The following MRPL30 variants were observed in gnomAD, a reference collection of about 807,000 sequenced individuals.
MRPL30 encodes mitochondrial ribosomal protein L30.
In MRPL30, 10 loss-of-function variants were observed where a neutral mutation model predicts 17.2. The ratio of observed to expected loss-of-function variants is 0.58; its 90% CI spans 0.36 to 0.99. The LOEUF is 0.99. Among genes scored for constraint, MRPL30 ranks in the 50% least tolerant of loss-of-function variants. MRPL30 has a pLI of 0.01. For missense variants in MRPL30, 170 were observed against 189.8 expected (o/e 0.90, Z 0.61); for synonymous variants, 61 against 62.1 (o/e 0.98, Z 0.08).
rs2093956563 is a variant in MRPL30 at position 99,197,323 on chromosome 2, A to C, written c.*1618A>C. The C allele has an allele frequency of 6.6e-6, 1 of 152,184 alleles. No homozygotes were observed. Among genetic ancestry groups the C allele is most frequent in the African/African-American group, 2.4e-5 (1 of 41,442 alleles). 9.4% of individuals were successfully genotyped at this position (152,184 alleles called of 1,614,324 possible). On this transcript the variant is annotated 3_prime_UTR_variant, in exon 6 of 6. Coordinates refer to ENST00000338148, the MANE Select transcript of MRPL30 (RefSeq NM_145212.4). ...TGGCAACAATGACATTGTCATGCTT[A>C]TTGTCCCAATATCCATCCTGTCGTA...
chr2:99,191,004 ACTAT>A (rs1367805007), intron 3 of MRPL30, among the ~76,000 whole-genome samples: 6 of 151,336 alleles, frequency 4.0e-5, no homozygotes, highest in Non-Finnish European at 7.4e-5. Context: ...ATAGCCCCTG[ACTAT>A]CTTTTTTTTT....
chr2:99,198,274 T>A lies in MRPL30; in HGVS notation c.*2569T>A, dbSNP rs2105252200. On this transcript the variant is annotated 3_prime_UTR_variant, in exon 6 of 6. Transcript: ENST00000338148. ...GCGTGGCTTAGCTGGGTAGTCTGTT[T>A]AGGATCTCAGTGCTGGAAAAACGTG... is the stretch of plus-strand genomic sequence containing the variant. Among the ~76,000 whole-genome samples, 1 of 152,320 alleles carries A rather than the reference T, an allele frequency of 6.6e-6. No individual in the cohort carries two copies. The highest frequency in any genetic ancestry group is 1.9e-4 in the East Asian group (1 of 5,180).
intron 3 of MRPL30, among the ~76,000 whole-genome samples, chr2:99,189,771 C>A (rs1452234041): frequency 6.6e-6 from 1 of 152,096 alleles, no homozygotes; most frequent in East Asian, 1.9e-4. Context: ...TGGTAAAATA[C>A]ACATATAACA....
rs1424679096 is a variant in MRPL30 at position 99,198,004 on chromosome 2, A to G, written c.*2299A>G. On this transcript the variant is annotated 3_prime_UTR_variant, in exon 6 of 6. Transcript: ENST00000338148. ...AAAATACCATGGTTAATTTTTACTCAAACAGTAAGAAAGTTTGAGTAACTA... is the reference window on the plus strand; with the variant it reads ...AAAATACCATGGTTAATTTTTACTCGAACAGTAAGAAAGTTTGAGTAACTA... Among the ~76,000 whole-genome samples the G allele has an allele frequency of 1.3e-5, 2 of 152,202 alleles. No homozygotes were observed. Among genetic ancestry groups the G allele is most frequent in the African/African-American group, 2.4e-5 (1 of 41,456 alleles).
At chr2:99,182,476 A>G (rs2093926105) in intron 1 of MRPL30, among the ~76,000 whole-genome samples, 1 of 152,130 alleles carries the variant, frequency 6.6e-6, no homozygotes, top group African/African-American at 2.4e-5. Flanking sequence ...AATGGCGTGA[A>G]CCCGGGAGGC....
chr2:99,190,366 C>T (rs2093942709), intron 3 of MRPL30, among the ~76,000 whole-genome samples: 1 of 152,044 alleles, frequency 6.6e-6, no homozygotes, highest in Admixed American at 6.6e-5. Flanking sequence ...TCAAGACCAG[C>T]CTGGGCAACA....
chr2:99,181,551 C>T (rs1386462546), intron 1 of MRPL30, among the ~76,000 whole-genome samples: 1 of 150,888 alleles, frequency 6.6e-6, no homozygotes, highest in East Asian at 1.9e-4. Flanking sequence ...GCAGCATTTT[C>T]TGTGCTGCTG....
In MRPL30 at chr2:99,197,922, G is replaced by A. The variant is rs534994509; in HGVS notation, c.*2217G>A. Among the ~76,000 whole-genome samples, 71 of 152,276 alleles carry A rather than the reference G, an allele frequency of 4.7e-4. No homozygotes were observed. The highest frequency in any genetic ancestry group is 1.7e-3 in the African/African-American group (70 of 41,560). On this transcript the variant is annotated 3_prime_UTR_variant, in exon 6 of 6. Coordinates refer to ENST00000338148, the MANE Select transcript of MRPL30 (RefSeq NM_145212.4). The stretch of plus-strand genomic sequence containing the variant: ...GCCTCCCAAAGTGCTGGGAATACAG[G>A]TGTGAGCCACCATACCTGGCCTTAC...
At chr2:99,190,497 G>A (rs1306470554) in intron 3 of MRPL30, among the ~76,000 whole-genome samples, 1 of 152,166 alleles carries the variant, frequency 6.6e-6, no homozygotes. Flanking sequence ...GGTCAAGGGT[G>A]TAGTGAGCCA....
rs192543583 is a variant in MRPL30, at chr2:99,184,057, C to T, written c.-27-2120C>T. Among the ~76,000 whole-genome samples, 3 of 146,818 alleles carry T rather than the reference C, an allele frequency of 2.0e-5. No individual in the cohort carries two copies. In the East Asian group the frequency reaches 6.1e-4, roughly 30 times the overall value. On this transcript the variant is annotated intron_variant, in intron 1 of 5. Coordinates refer to ENST00000338148, the MANE Select transcript of MRPL30 (RefSeq NM_145212.4). ...TTGTTCTTTCTCATTAACTTATTCACCTATTTATATTAGTATGAATTTAGG... is the reference window on the plus strand; with the variant it reads ...TTGTTCTTTCTCATTAACTTATTCATCTATTTATATTAGTATGAATTTAGG...
Position 99,186,583 on chromosome 2 carries a change from C to T in MRPL30, c.51+329C>T, listed in dbSNP as rs147051997. ...TCCTGACCTTGTGATCCACCTGCCC[C>T]GGCCACCCAAAATTAAGTTATTTCA... On this transcript the variant is annotated intron_variant, in intron 2 of 5. Coordinates refer to ENST00000338148, the MANE Select transcript of MRPL30 (RefSeq NM_145212.4). Among the ~76,000 whole-genome samples, 34 of 152,258 alleles carry T rather than the reference C, an allele frequency of 2.2e-4. 1 individual carries two copies. The East Asian group carries it at 4.4e-3, about 20-fold the overall frequency.
At position 99,195,820 on chromosome 2, in the gene MRPL30, A is replaced by G; in HGVS notation, c.*115A>G. 14 of 1,494,608 alleles carry G rather than the reference A, an allele frequency of 9.4e-6. No homozygotes were observed. Among genetic ancestry groups the G allele is most frequent in the Middle Eastern group, 2.4e-4 (1 of 4,100 alleles). The allele number at this position is 1,494,608 out of a possible 1,614,324, so 92.6% of individuals were successfully genotyped here. On this transcript the variant is annotated 3_prime_UTR_variant, in exon 6 of 6. Transcript: ENST00000338148. ...ATTTTCAGGCCGGGCACGGTGGCTC[A>G]CCTGTAATCCCAGCACTTTGGGAGG...
chr2:99,188,858 A>G (rs957703717), intron 3 of MRPL30, among the ~76,000 whole-genome samples: 1 of 151,886 alleles, frequency 6.6e-6, no homozygotes, highest in African/African-American at 2.4e-5. Context: ...GTGCCACCAC[A>G]CCCGGCTAAT....
Position 99,199,441 on chromosome 2 carries a change from A to T in MRPL30, c.*3736A>T, listed in dbSNP as rs2093959850. ...CTTACCTTTATGTATTAGAATGGCA[A>T]TCAATGAACAAACTGAAAATGTCTT... On this transcript the variant is annotated 3_prime_UTR_variant, in exon 6 of 6. Transcript: ENST00000338148. Among the ~76,000 whole-genome samples, 1 of 152,218 alleles carries T rather than the reference A, an allele frequency of 6.6e-6. No individual in the cohort carries two copies. Among genetic ancestry groups the T allele is most frequent in the Non-Finnish European group, 1.5e-5 (1 of 68,046 alleles).
rs2093958506 is a variant in MRPL30, at chr2:99,198,420, A to G, written c.*2715A>G. Among the ~76,000 whole-genome samples, 1 of 152,194 alleles carries G rather than the reference A, an allele frequency of 6.6e-6. No homozygotes were observed. The highest frequency in any genetic ancestry group is 1.5e-5 in the Non-Finnish European group (1 of 68,036). The stretch of plus-strand genomic sequence containing the variant: ...ATTCATGGCAAGTTGCTTCTTCCAA[A>G]ACCAGCATTGGAGACAGACTAGCAA... On this transcript the variant is annotated 3_prime_UTR_variant, in exon 6 of 6. Coordinates refer to ENST00000338148, the MANE Select transcript of MRPL30 (RefSeq NM_145212.4).
At chr2:99,190,521 G>A (rs982135590) in intron 3 of MRPL30, among the ~76,000 whole-genome samples, 3 of 151,992 alleles carry the variant, frequency 2.0e-5, no homozygotes, top group Admixed American at 2.0e-4. Flanking sequence ...TCGGATCAGT[G>A]CACTCCAGCC....
intron 3 of MRPL30, among the ~76,000 whole-genome samples, chr2:99,190,145 A>G (rs2093942239): frequency 6.6e-6 from 1 of 150,674 alleles, no homozygotes; most frequent in Non-Finnish European, 1.5e-5. Context: ...AATAATAGTA[A>G]CTCCCCATTT....
In MRPL30 at chr2:99,194,787, G is replaced by A. The variant is rs149406464; in HGVS notation, c.169G>A (p.Gly57Ser). The A allele has an allele frequency of 5.1e-4, 810 of 1,594,396 alleles. No individual in the cohort carries two copies. The highest frequency in any genetic ancestry group is 3.5e-3 in the African/African-American group (261 of 73,584). Residue 57 changes from glycine (G) to serine (S), a missense_variant, in exon 4 of 6, where the codon GGT becomes AGT. Physicochemically the swap from Gly to Ser is moderately conservative, Grantham distance 56 (BLOSUM62 0). Transcript: ENST00000338148. ...CTCACCTGAAGATCATGAAAAATAC[G>A]GTGGGGATCCACAGAACCCTCATAA... ...QASPEDHEKY[G>S]GDPQNPHKLH...
At chr2:99,183,436 G>T (rs1284128801) in intron 1 of MRPL30, among the ~76,000 whole-genome samples, 2 of 152,104 alleles carry the variant, frequency 1.3e-5, no homozygotes, top group Non-Finnish European at 2.9e-5. Flanking sequence ...GGACGTGGTG[G>T]CAGGTGCCTC....
Sources: allele counts gnomAD v4.1 joint callset (sites outside exome capture counted in the v4.1 genomes callset), GRCh38; gene constraint gnomAD v4.1.1; transcripts MANE v1.5; gene names NCBI Gene and HGNC (gene_info 2026-07-23, HGNC 2026-07-21).